TCF7L2: variants seen among roughly 807,000 people sequenced by gnomAD.
TCF7L2 encodes the protein transcription factor 7 like 2, also known as transcription factor 7-like 2.
A neutral mutation model predicts 77.9 loss-of-function variants in TCF7L2; 23 were observed. The ratio of observed to expected loss-of-function variants is 0.30; its 90% CI spans 0.21 to 0.42. TCF7L2 has a LOEUF of 0.42. Ranked by LOEUF, TCF7L2 falls within the 10% of genes least tolerant of loss-of-function variation. TCF7L2 has a pLI of 1.00. For synonymous variants in TCF7L2, 413 were observed against 340.2 expected (o/e 1.21, Z -2.36); for missense variants, 654 against 793.1 (o/e 0.82, Z 2.11).
At position 113,119,085 on chromosome 10, in the gene TCF7L2, G is replaced by A. The variant is rs181634760; in HGVS notation, c.553-22099G>A. Among the ~76,000 whole-genome samples, 22 of 152,288 alleles carry A rather than the reference G, an allele frequency of 1.4e-4. No homozygotes were observed. In the East Asian group the frequency reaches 3.5e-3, roughly 24 times the overall value. ...GAAAATGTCATGTGTGAACCAGTGC[G>A]GAAGTTAATAAGATTGACTTCGTTG... On this transcript the variant is annotated intron_variant, in intron 5 of 13. Coordinates refer to ENST00000627217, the MANE Select transcript of TCF7L2 (RefSeq NM_001146274.2).
At position 113,083,685 on chromosome 10, in the gene TCF7L2, T is replaced by C. The variant is rs934646991; in HGVS notation, c.552+43559T>C. Among the ~76,000 whole-genome samples, 6 of 152,232 alleles carry C rather than the reference T, an allele frequency of 3.9e-5. No individual in the cohort carries two copies. The South Asian group carries it at 1.0e-3, about 26-fold the overall frequency. ...GTTTGGATGGTTGCTCTTTGTTTTT[T>C]GGCATCCTTGTGTGTGAATACATGA... On this transcript the variant is annotated intron_variant, in intron 5 of 13. Coordinates refer to ENST00000627217, the MANE Select transcript of TCF7L2 (RefSeq NM_001146274.2).
intron 5 of TCF7L2, among the ~76,000 whole-genome samples, chr10:113,136,400 G>A (rs1208131263): frequency 2.0e-5 from 3 of 152,164 alleles, no homozygotes; most frequent in Non-Finnish European, 4.4e-5. Context: ...TAACCGTCTC[G>A]AAATTATGTG....
chr10:113,051,980 C>T (rs1362143721), intron 5 of TCF7L2, among the ~76,000 whole-genome samples: 2 of 151,974 alleles, frequency 1.3e-5, no homozygotes, highest in African/African-American at 2.4e-5. Flanking sequence ...CGTGTAGTCT[C>T]CTCTACTTAC....
rs59915449 is a variant in TCF7L2 at position 113,121,775 on chromosome 10, AACAC to A, written c.553-19391_553-19388del. Among the ~76,000 whole-genome samples the A allele has an allele frequency of 3.6e-3, 533 of 149,152 alleles. 2 individuals carry two copies. Among genetic ancestry groups the A allele is most frequent in the African/African-American group, 0.012 (474 of 40,388 alleles). On this transcript the variant is annotated intron_variant, in intron 5 of 13. Transcript: ENST00000627217. ...CACACGTGCACGCACACATACACAC[AACAC>A]ACACACACACACACACAAATGAAGG...
At chr10:113,046,071 G>A (rs753800432) in intron 5 of TCF7L2, among the ~76,000 whole-genome samples, 2 of 152,200 alleles carry the variant, frequency 1.3e-5, no homozygotes, top group African/African-American at 2.4e-5. Flanking sequence ...AGACTCCAAA[G>A]TGTACATGGG....
intron 1 of TCF7L2, 48 bp downstream of exon 1, chr10:112,950,993 G>T: frequency 6.4e-7 from 1 of 1,568,546 alleles, no homozygotes; most frequent in South Asian, 1.2e-5. Context: ...TGTTTCCTGG[G>T]CTTGGCAAAT....
At chr10:113,073,210 C>T (rs2058284104) in intron 5 of TCF7L2, among the ~76,000 whole-genome samples, 1 of 151,266 alleles carries the variant, frequency 6.6e-6, no homozygotes, top group Admixed American at 6.6e-5. Context: ...CCTGTGTGGT[C>T]CACCTCACTT....
intron 5 of TCF7L2, among the ~76,000 whole-genome samples, chr10:113,071,134 A>T (rs140536991): frequency 6.6e-6 from 1 of 152,212 alleles, no homozygotes; most frequent in Non-Finnish European, 1.5e-5. Flanking sequence ...GCCTTCTGGA[A>T]CTCACTGTTC....
intron 4 of TCF7L2, among the ~76,000 whole-genome samples, chr10:113,006,982 C>T (rs1046518270): frequency 2.0e-5 from 3 of 152,262 alleles, no homozygotes; most frequent in African/African-American, 7.2e-5. Flanking sequence ...GTGGCACACC[C>T]TTAAGGGAGA....
At chr10:112,998,455 ATG>A (rs1250203926) in intron 4 of TCF7L2, among the ~76,000 whole-genome samples, 2 of 152,184 alleles carry the variant, frequency 1.3e-5, no homozygotes, top group African/African-American at 4.8e-5. Context: ...GGTAATGCAG[ATG>A]TGATGAGATC....
At chr10:113,022,395 G>C (rs142346963) in intron 4 of TCF7L2, among the ~76,000 whole-genome samples, 1 of 152,186 alleles carries the variant, frequency 6.6e-6, no homozygotes, top group Non-Finnish European at 1.5e-5. Flanking sequence ...CAGCGACTTA[G>C]AACACCCGGC....
intron 7 of TCF7L2, among the ~76,000 whole-genome samples, chr10:113,145,110 T>C (rs1056247455): frequency 6.1e-5 from 8 of 131,814 alleles, no homozygotes; most frequent in African/African-American, 2.1e-4. Context: ...ATAGATTCTA[T>C]GCTGTTTTTT....
intron 2 of TCF7L2, 52 bp from the exon 3 acceptor site, chr10:112,951,431 C>A: frequency 7.4e-7 from 1 of 1,346,978 alleles, no homozygotes; most frequent in Non-Finnish European, 9.8e-7. Flanking sequence ...TCTCCTCACT[C>A]TCTCCCGCTC....
intron 5 of TCF7L2, among the ~76,000 whole-genome samples, chr10:113,092,277 A>T (rs1412202436): frequency 6.6e-6 from 1 of 152,184 alleles, no homozygotes; most frequent in East Asian, 1.9e-4. Context: ...AAATCTGTAA[A>T]CTGTGAATAG....
chr10:113,078,563 A>G (rs1039056196), intron 5 of TCF7L2, among the ~76,000 whole-genome samples: 3 of 152,048 alleles, frequency 2.0e-5, no homozygotes, highest in African/African-American at 7.2e-5. Flanking sequence ...TTTTTTTTGC[A>G]GAGATGGGGT....
chr10:113,137,911 T>C (rs1488297844), intron 5 of TCF7L2, among the ~76,000 whole-genome samples: 1 of 152,064 alleles, frequency 6.6e-6, no homozygotes, highest in Non-Finnish European at 1.5e-5. Context: ...CCCCCAGCAA[T>C]GGGCATCGTG....
chr10:113,140,060 C>T (rs958523693), intron 5 of TCF7L2, among the ~76,000 whole-genome samples: 3 of 152,198 alleles, frequency 2.0e-5, no homozygotes, highest in African/African-American at 2.4e-5. Flanking sequence ...TCTTTATCTT[C>T]GCTGGTACCT....
intron 5 of TCF7L2, among the ~76,000 whole-genome samples, chr10:113,059,908 GGTGT>G (rs145215752): frequency 6.6e-6 from 1 of 151,824 alleles, no homozygotes; most frequent in Admixed American, 6.6e-5. Context: ...CCATTTTTGG[GGTGT>G]GTGTGTGTGA....
At chr10:113,114,944 A>C (rs1460781651) in intron 5 of TCF7L2, among the ~76,000 whole-genome samples, 1 of 152,234 alleles carries the variant, frequency 6.6e-6, no homozygotes, top group East Asian at 1.9e-4. Context: ...AGTAAATCTT[A>C]ATTAAGTTAT....
Sources: allele counts gnomAD v4.1 joint callset (sites outside exome capture counted in the v4.1 genomes callset), GRCh38; gene constraint gnomAD v4.1.1; transcripts MANE v1.5; gene names NCBI Gene and HGNC (gene_info 2026-07-23, HGNC 2026-07-21).